The following CCDC172 variants were observed in gnomAD, a reference collection of about 807,000 sequenced individuals.
CCDC172 encodes coiled-coil domain-containing protein 172.
In CCDC172, 30 loss-of-function variants were observed where a neutral mutation model predicts 38.0. The ratio of observed to expected loss-of-function variants is 0.79; its 90% CI spans 0.59 to 1.07. The LOEUF (loss-of-function observed/expected upper bound fraction) is 1.07, where lower values mean the gene tolerates loss of function less well. CCDC172 is among the 50% of genes least tolerant of loss of function. CCDC172 has a pLI of 0.00. For missense variants in CCDC172, 297 were observed against 290.1 expected (o/e 1.02, Z -0.17); for synonymous variants, 78 against 88.3 (o/e 0.88, Z 0.66).
intron 7 of CCDC172, among the ~76,000 whole-genome samples, chr10:116,360,308 C>T (rs1391859613): frequency 6.6e-6 from 1 of 152,190 alleles, no homozygotes; most frequent in African/African-American, 2.4e-5. Context: ...CCTTTTGAAA[C>T]CCAGCTCTCC....
chr10:116,371,004 T>G (rs1370930477), intron 7 of CCDC172, among the ~76,000 whole-genome samples: 1 of 151,850 alleles, frequency 6.6e-6, no homozygotes, highest in Non-Finnish European at 1.5e-5. Flanking sequence ...AAAATAACTT[T>G]ATTTTGTCTC....
At chr10:116,366,780 T>C (rs1845128460) in intron 7 of CCDC172, among the ~76,000 whole-genome samples, 1 of 152,224 alleles carries the variant, frequency 6.6e-6, no homozygotes, top group Non-Finnish European at 1.5e-5. Context: ...ATATTCTCAT[T>C]AGCACATTAT....
chr10:116,336,952 T>C (rs1418830770), intron 3 of CCDC172, among the ~76,000 whole-genome samples: 1 of 152,190 alleles, frequency 6.6e-6, no homozygotes, highest in Admixed American at 6.5e-5. Flanking sequence ...AAAACTGACC[T>C]AGTTGACCAG....
chr10:116,371,005 A>G (rs977379868), intron 7 of CCDC172, among the ~76,000 whole-genome samples: 6 of 151,758 alleles, frequency 4.0e-5, no homozygotes, highest in Non-Finnish European at 8.9e-5. Flanking sequence ...AAATAACTTT[A>G]TTTTGTCTCT....
chr10:116,378,753 T>TA (rs1845278540), intron 8 of CCDC172, among the ~76,000 whole-genome samples: 1 of 151,884 alleles, frequency 6.6e-6, no homozygotes, highest in Admixed American at 6.6e-5. Flanking sequence ...CAAAGTAAGT[T>TA]AAAAAAAAGC....
intron 5 of CCDC172, among the ~76,000 whole-genome samples, chr10:116,347,309 T>A (rs1290027210): frequency 6.6e-6 from 1 of 152,108 alleles, no homozygotes; most frequent in Admixed American, 6.6e-5. Flanking sequence ...GAAGGCATGA[T>A]CAACCCATGT....
intron 3 of CCDC172, among the ~76,000 whole-genome samples, chr10:116,327,908 C>T (rs1844610686): frequency 6.6e-6 from 1 of 151,952 alleles, no homozygotes; most frequent in Non-Finnish European, 1.5e-5. Flanking sequence ...ATATGTCTGC[C>T]AATAACAATG....
chr10:116,367,689 C>A (rs1466884134), intron 7 of CCDC172, among the ~76,000 whole-genome samples: 2 of 151,986 alleles, frequency 1.3e-5, no homozygotes, highest in African/African-American at 4.8e-5. Flanking sequence ...AGAAAATTAA[C>A]AAACAGGAAA....
At chr10:116,352,823 G>T (rs546877942) in intron 5 of CCDC172, among the ~76,000 whole-genome samples, 20 of 151,576 alleles carry the variant, frequency 1.3e-4, no homozygotes, top group African/African-American at 4.6e-4. Context: ...GAAAGGAAGA[G>T]GTAAAGCTAT....
intron 5 of CCDC172, among the ~76,000 whole-genome samples, chr10:116,347,512 GA>G (rs1428895279): frequency 2.0e-5 from 3 of 152,062 alleles, no homozygotes; most frequent in Non-Finnish European, 2.9e-5. Flanking sequence ...ATTACAGTTG[GA>G]AAAGCATATG....
rs184804970 is a variant in CCDC172, at chr10:116,325,962, A to G, written c.165+574A>G. On this transcript the variant is annotated intron_variant, in intron 3 of 8. Transcript: ENST00000333254. ...TGGATAGAATTTTGAAGAGGCAAAT[A>G]GAAGGAAGTAGTAGGAGGAAAGCGT... 4.7e-4 allele frequency among the ~76,000 whole-genome samples: 71 copies of G among 152,354 alleles called. No homozygotes were observed. The South Asian group carries it at 7.9e-3, about 17-fold the overall frequency.
chr10:116,349,370 C>T (rs1844903981), intron 5 of CCDC172, among the ~76,000 whole-genome samples: 1 of 152,160 alleles, frequency 6.6e-6, no homozygotes, highest in Non-Finnish European at 1.5e-5. Flanking sequence ...AAAACAGTCC[C>T]TGGTGCCAAA....
chr10:116,351,421 C>T (rs1844929087), intron 5 of CCDC172, among the ~76,000 whole-genome samples: 1 of 152,032 alleles, frequency 6.6e-6, no homozygotes, highest in Admixed American at 6.6e-5. Flanking sequence ...TATTTAAAGT[C>T]AATTATATGA....
intron 3 of CCDC172, among the ~76,000 whole-genome samples, chr10:116,333,440 T>C (rs1844690506): frequency 2.0e-5 from 3 of 152,248 alleles, no homozygotes; most frequent in South Asian, 4.1e-4. Context: ...AGTTTTCTTA[T>C]TTGTTGAGGA....
chr10:116,324,539 C>T lies in CCDC172; in HGVS notation c.-140C>T, dbSNP rs1844565646. On this transcript the variant is annotated 5_prime_UTR_variant, in exon 1 of 9. Transcript: ENST00000333254. ...ACAGAGCACCTTGAGGACGTTATCC[C>T]TAAAATGAGAGAGGACTGGGATTGA... The T allele has an allele frequency of 6.4e-6, 1 of 155,530 alleles. No homozygotes were observed. The highest frequency in any genetic ancestry group is 2.0e-4 in the South Asian group (1 of 5,054). 9.6% of individuals were successfully genotyped at this position (155,530 alleles called of 1,614,324 possible).
chr10:116,326,570 T>G (rs374818036), intron 3 of CCDC172, among the ~76,000 whole-genome samples: 81 of 152,326 alleles, frequency 5.3e-4, no homozygotes, highest in African/African-American at 1.5e-3. Context: ...CAGGTGTTGC[T>G]CAAACATCAC....
chr10:116,379,127 T>G (rs956443036), intron 8 of CCDC172, among the ~76,000 whole-genome samples, 196 bp from the exon 9 acceptor site: 4 of 152,186 alleles, frequency 2.6e-5, no homozygotes, highest in African/African-American at 9.6e-5. Context: ...CATTGCATGT[T>G]GTTACATATT....
chr10:116,357,340 C>A, intron 5 of CCDC172, 40 bp from the exon 6 acceptor site: 1 of 1,314,190 alleles, frequency 7.6e-7, no homozygotes, highest in Non-Finnish European at 1.0e-6. Flanking sequence ...AAATTTATTT[C>A]TAAGTATTTT....
chr10:116,377,529 A>C (rs1225602268), intron 7 of CCDC172, among the ~76,000 whole-genome samples: 1 of 152,222 alleles, frequency 6.6e-6, no homozygotes, highest in East Asian at 1.9e-4. Context: ...CGTTAATAAA[A>C]TGTATGTGCT....
Sources: gnomAD v4.1 joint callset for allele counts (sites outside exome capture counted in the v4.1 genomes callset) on GRCh38, gnomAD v4.1.1 for gene constraint, MANE v1.5 for transcripts, NCBI Gene and HGNC (gene_info 2026-07-23, HGNC 2026-07-21) for gene names.